CCND3: variants seen among roughly 807,000 people sequenced by gnomAD.
CCND3 encodes cyclin D3.
A neutral mutation model predicts 28.7 loss-of-function variants in CCND3; 9 were observed. The ratio of observed to expected loss-of-function variants is 0.31; its 90% CI spans 0.19 to 0.55. The LOEUF (loss-of-function observed/expected upper bound fraction) is 0.55, where lower values mean the gene tolerates loss of function less well. Among genes scored for constraint, CCND3 ranks in the 20% least tolerant of loss-of-function variants. CCND3 has a pLI of 0.93. For synonymous variants in CCND3, 164 were observed against 163.9 expected, an observed-to-expected ratio of 1.00 and a Z score of 0.00; for missense variants, 315 against 385.8, an observed-to-expected ratio of 0.82 and a Z score of 1.54.
At chr6:42,006,764 T>C (rs979803544) in intron 1 of CCND3, among the ~76,000 whole-genome samples, 1 of 151,694 alleles carries the variant, frequency 6.6e-6, no homozygotes, top group Non-Finnish European at 1.5e-5. Flanking sequence ...AAAAATTAGC[T>C]GGGCGTGGTG....
Position 41,937,217 on chromosome 6 carries a change from T to C in CCND3, c.574+18A>G. On this transcript the variant is annotated intron_variant, in intron 3 of 4. Coordinates refer to ENST00000372991, the MANE Select transcript of CCND3 (RefSeq NM_001760.5). Reference sequence around the variant, plus strand: ...TCTGATTTTTCCAATTTGGCAAAAATGTGCATAGGGCTCTTACCTGTAGCA... The same window carrying C: ...TCTGATTTTTCCAATTTGGCAAAAACGTGCATAGGGCTCTTACCTGTAGCA... The C allele has an allele frequency of 6.2e-7, 1 of 1,614,006 alleles. No individual in the cohort carries two copies.
intron 1 of CCND3, among the ~76,000 whole-genome samples, chr6:41,955,139 A>C (rs1344024628): frequency 6.6e-6 from 1 of 152,234 alleles, no homozygotes; most frequent in Non-Finnish European, 1.5e-5. Context: ...GCATTCTCCC[A>C]AACATTCAAG....
rs549917505 is a variant in CCND3, at chr6:41,988,730, G to A, written c.-45-48145C>T. On this transcript the variant is annotated intron_variant, in intron 1 of 4. Transcript: ENST00000372988. ...TTTTTTTTTTTTGAGACGGAGTCTGGCTCTGTCGCCCAGGCTGGAGTGCAG... is the reference window on the plus strand; with the variant it reads ...TTTTTTTTTTTTGAGACGGAGTCTGACTCTGTCGCCCAGGCTGGAGTGCAG... Among the ~76,000 whole-genome samples the A allele has an allele frequency of 1.7e-3, 240 of 138,272 alleles. 1 individual carries two copies. The highest frequency in any genetic ancestry group is 6.2e-3 in the African/African-American group (228 of 36,528). The allele number at this position is 138,272 out of a possible 152,430, so 90.7% of individuals were successfully genotyped here.
chr6:41,943,162 G>A (rs551667140), upstream of CCND3, among the ~76,000 whole-genome samples: 2 of 151,948 alleles, frequency 1.3e-5, no homozygotes, highest in Non-Finnish European at 2.9e-5. Context: ...GTTCCCGGCC[G>A]AATTATTCTT....
chr6:42,015,695 G>A (rs1763484637), intron 1 of CCND3, among the ~76,000 whole-genome samples: 1 of 151,008 alleles, frequency 6.6e-6, no homozygotes, highest in Non-Finnish European at 1.5e-5. Context: ...GGGCAACAAA[G>A]CAAGACTCCA....
intron 1 of CCND3, among the ~76,000 whole-genome samples, chr6:42,037,340 C>T (rs1285835253): frequency 4.0e-5 from 6 of 151,688 alleles, no homozygotes; most frequent in Non-Finnish European, 2.9e-5. Context: ...CTGGTTCAAG[C>T]GATTCTCCTG....
rs1322576778 is a variant in CCND3 at position 41,951,564 on chromosome 6, ACACACACACAC to A, written c.-45-10990_-45-10980del. Among the ~76,000 whole-genome samples, 17 of 95,164 alleles carry A rather than the reference ACACACACACAC, an allele frequency of 1.8e-4. 1 individual carries two copies. The highest frequency in any genetic ancestry group is 3.3e-4 in the East Asian group (1 of 3,070). The allele number at this position is 95,164 out of a possible 152,430, so 62.4% of individuals were successfully genotyped here. On this transcript the variant is annotated intron_variant, in intron 1 of 4. Transcript: ENST00000372988. The stretch of plus-strand genomic sequence containing the variant: ...GCGACACACACACACACACACACAC[ACACACACACAC>A]AAAAAAAAAGATTAAGTGGGAGTAA...
At chr6:42,041,222 C>T (rs1001736490) in intron 1 of CCND3, among the ~76,000 whole-genome samples, 5 of 152,178 alleles carry the variant, frequency 3.3e-5, no homozygotes, top group Non-Finnish European at 5.9e-5. Flanking sequence ...CAGGAGGCAC[C>T]CAGCTCAAGT....
chr6:41,997,270 C>A (rs1408751296), intron 1 of CCND3, among the ~76,000 whole-genome samples: 1 of 152,176 alleles, frequency 6.6e-6, no homozygotes, highest in Non-Finnish European at 1.5e-5. Flanking sequence ...GAAGCAGCAA[C>A]CTTTGCACTG....
intron 1 of CCND3, among the ~76,000 whole-genome samples, chr6:42,016,380 G>A (rs1763511961): frequency 6.6e-6 from 1 of 152,076 alleles, no homozygotes; most frequent in African/African-American, 2.4e-5. Flanking sequence ...AGGAAATTGA[G>A]ATTCAGACAG....
intron 1 of CCND3, among the ~76,000 whole-genome samples, chr6:41,998,927 C>T (rs1439887741): frequency 6.6e-6 from 1 of 152,180 alleles, no homozygotes; most frequent in Non-Finnish European, 1.5e-5. Context: ...GATCCGCCCG[C>T]CTCGGCCTCC....
At chr6:42,037,395 G>GCC (rs1464262306) in intron 1 of CCND3, among the ~76,000 whole-genome samples, 5 of 151,686 alleles carry the variant, frequency 3.3e-5, no homozygotes, top group Non-Finnish European at 5.9e-5. Context: ...GCACGACCAT[G>GCC]CCCAGCTAAT....
chr6:42,046,778 G>A (rs919432117), intron 1 of CCND3, among the ~76,000 whole-genome samples: 8 of 152,196 alleles, frequency 5.3e-5, no homozygotes, highest in African/African-American at 1.7e-4. Flanking sequence ...ACAGATGGCT[G>A]TATCATCCAA....
chr6:42,049,985 C>A (rs902452667), upstream of CCND3: 1 of 152,430 alleles, frequency 6.6e-6, no homozygotes, highest in Non-Finnish European at 1.5e-5. Context: ...TTATAAGAAC[C>A]GATTTTCATA....
chr6:42,015,404 AT>A (rs1178547955), intron 1 of CCND3, among the ~76,000 whole-genome samples: 5 of 152,274 alleles, frequency 3.3e-5, no homozygotes, highest in East Asian at 3.9e-4. Flanking sequence ...TTGCAAAAAA[AT>A]ATTTTATTTT....
chr6:41,972,993 G>C (rs896336467), intron 1 of CCND3, among the ~76,000 whole-genome samples: 1 of 152,066 alleles, frequency 6.6e-6, no homozygotes. Context: ...GGCTAAGCTG[G>C]GGAAGAGAAC....
chr6:42,005,371 G>A (rs1213370741), intron 1 of CCND3, among the ~76,000 whole-genome samples: 1 of 151,820 alleles, frequency 6.6e-6, no homozygotes. Context: ...GTGAAACCCT[G>A]CCTCTACTAA....
intron 1 of CCND3, among the ~76,000 whole-genome samples, chr6:42,006,928 TA>T (rs1763194271): frequency 6.6e-6 from 1 of 151,574 alleles, no homozygotes; most frequent in African/African-American, 2.4e-5. Context: ...AAAGAAAAAT[TA>T]AGTAGGCGAA....
intron 1 of CCND3, among the ~76,000 whole-genome samples, chr6:41,965,708 C>T (rs539004782): frequency 1.3e-5 from 2 of 152,132 alleles, no homozygotes; most frequent in Admixed American, 6.6e-5. Flanking sequence ...GGGCCAGGAA[C>T]CCTCCCTCAG....
Sources: gnomAD v4.1 joint callset for allele counts (sites outside exome capture counted in the v4.1 genomes callset) on GRCh38, gnomAD v4.1.1 for gene constraint, MANE v1.5 for transcripts, NCBI Gene and HGNC (gene_info 2026-07-23, HGNC 2026-07-21) for gene names.